Variants in LRP1B observed in about 807,000 individuals in gnomAD.
The protein encoded by LRP1B is LDL receptor related protein 1B, also known as low-density lipoprotein receptor-related protein 1B.
A neutral mutation model predicts 556.6 loss-of-function variants in LRP1B; 217 were observed. That is an observed-to-expected ratio of 0.39 (90% confidence interval 0.35 to 0.44). LRP1B has a LOEUF of 0.44. LRP1B is among the 20% of genes least tolerant of loss of function. The pLI, the probability that LRP1B is intolerant of heterozygous loss-of-function variation, is 1.00. For missense variants in LRP1B, 5,053 were observed against 5,620.8 expected (o/e 0.90, Z 3.23); for synonymous variants, 2,047 against 1,865.8 (o/e 1.10, Z -2.50).
intron 66 of LRP1B, among the ~76,000 whole-genome samples, chr2:140,422,685 A>C (rs1685495370): frequency 6.6e-6 from 1 of 152,166 alleles, no homozygotes; most frequent in South Asian, 2.1e-4. Context: ...AAAAGAAGAA[A>C]CCAGGCTTAA....
intron 6 of LRP1B, among the ~76,000 whole-genome samples, chr2:141,219,920 C>A (rs973387649): frequency 6.6e-6 from 1 of 152,072 alleles, no homozygotes; most frequent in Non-Finnish European, 1.5e-5. Context: ...CCCATAAAAA[C>A]CCCATCAGCA....
In LRP1B at chr2:140,243,380, AAG is replaced by A. The variant is rs143742450; in HGVS notation, c.13324+3704_13324+3705del. Among the ~76,000 whole-genome samples, 455 of 151,234 alleles carry A rather than the reference AAG, an allele frequency of 3.0e-3. 3 individuals are homozygous for A. The highest frequency in any genetic ancestry group is 0.011 in the African/African-American group (438 of 41,392). ...GACAGAGTTGCTTCAAAAGAGGTAG[AAG>A]AGAAACCAGAAGTGTTCACTATCAT... On this transcript the variant is annotated intron_variant, in intron 87 of 90. Transcript: ENST00000389484.
At chr2:141,266,017 C>T (rs922691883) in intron 3 of LRP1B, among the ~76,000 whole-genome samples, 3 of 152,086 alleles carry the variant, frequency 2.0e-5, no homozygotes, top group Admixed American at 6.6e-5. Flanking sequence ...ACTTCTGTGT[C>T]AGGGAGAGTA....
At chr2:140,355,615 T>TA (rs1682173663) in intron 75 of LRP1B, among the ~76,000 whole-genome samples, 1 of 151,950 alleles carries the variant, frequency 6.6e-6, no homozygotes, top group Non-Finnish European at 1.5e-5. Context: ...TAAAAGCACT[T>TA]AAAGACTTGA....
At chr2:140,840,416 T>A (rs1692064404) in intron 30 of LRP1B, among the ~76,000 whole-genome samples, 1 of 152,234 alleles carries the variant, frequency 6.6e-6, no homozygotes, top group Non-Finnish European at 1.5e-5. Flanking sequence ...CTCTTGGCTG[T>A]GAAGAAATCA....
chr2:140,546,382 G>A (rs1680340258), intron 43 of LRP1B, among the ~76,000 whole-genome samples: 1 of 152,032 alleles, frequency 6.6e-6, no homozygotes, highest in Non-Finnish European at 1.5e-5. Context: ...TGCTAATAAA[G>A]ACATACCTGA....
At chr2:141,024,242 C>A (rs1698153809) in intron 11 of LRP1B, among the ~76,000 whole-genome samples, 2 of 151,920 alleles carry the variant, frequency 1.3e-5, no homozygotes, top group African/African-American at 4.8e-5. Flanking sequence ...ACCACCTGTC[C>A]CTAATGGCCA....
chr2:141,216,373 G>A (rs767488097), intron 6 of LRP1B, among the ~76,000 whole-genome samples: 33 of 152,244 alleles, frequency 2.2e-4, no homozygotes, highest in Admixed American at 1.6e-3. Flanking sequence ...GGATGTATGG[G>A]AAAGCGTGGT....
intron 2 of LRP1B, among the ~76,000 whole-genome samples, chr2:141,762,115 G>T (rs1435656046): frequency 6.6e-6 from 1 of 151,222 alleles, no homozygotes. Flanking sequence ...AAATAATTTG[G>T]TTATCCACTG....
At chr2:141,560,066 C>A (rs757370008) in intron 2 of LRP1B, among the ~76,000 whole-genome samples, 3 of 151,496 alleles carry the variant, frequency 2.0e-5, no homozygotes, top group Non-Finnish European at 4.4e-5. Flanking sequence ...TTGCTTTGGG[C>A]TTTGTGCTTA....
chr2:141,739,740 T>C (rs565800629), intron 2 of LRP1B, among the ~76,000 whole-genome samples: 3 of 151,696 alleles, frequency 2.0e-5, no homozygotes, highest in East Asian at 3.9e-4. Flanking sequence ...GAATAAAAGA[T>C]ATGCAACAGT....
intron 41 of LRP1B, among the ~76,000 whole-genome samples, chr2:140,664,577 G>T (rs1363006544): frequency 6.6e-6 from 1 of 151,982 alleles, no homozygotes; most frequent in Non-Finnish European, 1.5e-5. Context: ...ACTTAAAAAT[G>T]CAAAACACTA....
At chr2:140,418,055 T>G (rs886665964) in intron 66 of LRP1B, among the ~76,000 whole-genome samples, 1 of 152,198 alleles carries the variant, frequency 6.6e-6, no homozygotes, top group Non-Finnish European at 1.5e-5. Context: ...CAGAATGGGA[T>G]GCAAAACTTG....
intron 18 of LRP1B, among the ~76,000 whole-genome samples, chr2:140,963,210 C>T (rs546429064): frequency 5.3e-5 from 8 of 151,426 alleles, no homozygotes; most frequent in African/African-American, 1.9e-4. Context: ...TTAATATTAA[C>T]CAATAAAGGA....
chr2:141,782,482 T>C (rs1165253573), intron 2 of LRP1B, among the ~76,000 whole-genome samples: 1 of 151,014 alleles, frequency 6.6e-6, no homozygotes, highest in African/African-American at 2.4e-5. Flanking sequence ...TTGTTTTGGT[T>C]TGTAACACAT....
intron 46 of LRP1B, 150 bp downstream of exon 46, chr2:140,536,431 A>T: frequency 1.7e-6 from 1 of 603,248 alleles, no homozygotes; most frequent in South Asian, 2.8e-5. Flanking sequence ...ATTTTAACAC[A>T]AGCAAAGCCA....
chr2:140,963,159 C>T (rs1204271959), intron 18 of LRP1B, among the ~76,000 whole-genome samples: 2 of 151,784 alleles, frequency 1.3e-5, no homozygotes, highest in Non-Finnish European at 2.9e-5. Context: ...TTTCCTGGAT[C>T]AATATAGGAC....
intron 37 of LRP1B, among the ~76,000 whole-genome samples, chr2:140,708,011 T>G (rs910311519): frequency 4.6e-5 from 7 of 152,112 alleles, no homozygotes; most frequent in Non-Finnish European, 8.8e-5. Context: ...CAACAAATAC[T>G]TCATTAGGTA....
At chr2:140,721,713 ATTT>A (rs10616732) in intron 35 of LRP1B, among the ~76,000 whole-genome samples, 32 of 125,598 alleles carry the variant, frequency 2.5e-4, no homozygotes, top group East Asian at 9.3e-4. Context: ...ACACCCGGCT[ATTT>A]TTTTTTTTTT....
Sources: allele counts gnomAD v4.1 joint callset (sites outside exome capture counted in the v4.1 genomes callset), GRCh38; gene constraint gnomAD v4.1.1; transcripts MANE v1.5; gene names NCBI Gene and HGNC (gene_info 2026-07-23, HGNC 2026-07-21).